The following MYH16 variants were observed in gnomAD, a reference collection of about 807,000 sequenced individuals.
The protein encoded by MYH16 is putative uncharacterized protein MYH16.
intron 2 of MYH16, chr7:99,243,434 G>C (rs2150804484): frequency 6.5e-6 from 1 of 152,926 alleles, no homozygotes; most frequent in Middle Eastern, 3.4e-3. Context: ...GAGTGCCAGG[G>C]ATGGGGTGAG....
At chr7:99,250,168 T>G (rs1791793371) in intron 5 of MYH16, 1 of 152,506 alleles carries the variant, frequency 6.6e-6, no homozygotes, top group African/African-American at 2.4e-5. Context: ...TGCTCACAGC[T>G]TAGGGCCATT....
intron 32 of MYH16, among the ~76,000 whole-genome samples, chr7:99,293,138 C>A (rs2150829552): frequency 6.6e-6 from 1 of 152,210 alleles, no homozygotes; most frequent in African/African-American, 2.4e-5. Flanking sequence ...GGATCCATGA[C>A]AAGTTAAATC....
Position 99,277,878 on chromosome 7 carries a change from C to CGTGTGT in MYH16, n.2659+200_2659+205dup, listed in dbSNP as rs61634087. 4.2e-3 allele frequency among the ~76,000 whole-genome samples: 513 copies of CGTGTGT among 121,680 alleles called. 2 individuals carry two copies. The highest frequency in any genetic ancestry group is 0.013 in the Middle Eastern group (3 of 238). 79.8% of individuals were successfully genotyped at this position (121,680 alleles called of 152,430 possible). A position where few individuals can be genotyped will look rare whatever the true frequency, so the allele number is the denominator to read the frequency against. ...ACTTCCAAAAAGTCTCCATCCAATT[C>CGTGTGT]GTGTGTGTGTGTGTGTGTGTGTGTG... On this transcript the variant is annotated intron_variant and non_coding_transcript_variant, in intron 21 of 41. Transcript: ENST00000439784.
At chr7:99,275,572 G>A (rs1173227791) in intron 20 of MYH16, among the ~76,000 whole-genome samples, 2 of 152,194 alleles carry the variant, frequency 1.3e-5, no homozygotes, top group African/African-American at 4.8e-5. Context: ...GGGTGTCTAT[G>A]CTTGAATGCA....
At chr7:99,270,480 C>A (rs896154960) in intron 18 of MYH16, among the ~76,000 whole-genome samples, 1 of 151,666 alleles carries the variant, frequency 6.6e-6, no homozygotes, top group East Asian at 2.0e-4. Flanking sequence ...CGCCACCACG[C>A]CCGGCTTTTT....
chr7:99,288,022 C>A, exon 29 of MYH16: 1 of 456,626 alleles, frequency 2.2e-6, no homozygotes, highest in Non-Finnish European at 4.4e-6. Flanking sequence ...GCCGAGCTGA[C>A]GGAGCATGTG....
intron 33 of MYH16, among the ~76,000 whole-genome samples, chr7:99,294,846 G>A (rs574609549): frequency 2.6e-5 from 4 of 152,152 alleles, no homozygotes; most frequent in East Asian, 3.9e-4. Context: ...GATTATAGGC[G>A]TGAGCCACTG....
chr7:99,271,502 T>C (rs1792045851), intron 19 of MYH16, among the ~76,000 whole-genome samples: 1 of 151,940 alleles, frequency 6.6e-6, no homozygotes, highest in African/African-American at 2.4e-5. Flanking sequence ...GAAGCAAAAC[T>C]CCGTCTCAAA....
At chr7:99,286,091 A>G (rs995854028) in intron 27 of MYH16, among the ~76,000 whole-genome samples, 1 of 152,208 alleles carries the variant, frequency 6.6e-6, no homozygotes, top group Non-Finnish European at 1.5e-5. Context: ...TTTACTGGAG[A>G]AAAAGGAGCT....
At position 99,296,690 on chromosome 7, in the gene MYH16, A is replaced by G. The variant is rs930470916; in HGVS notation, n.4283-11A>G. On this transcript the variant is annotated splice_polypyrimidine_tract_variant and intron_variant and non_coding_transcript_variant, in intron 33 of 41. Coordinates refer to ENST00000439784, the Ensembl canonical transcript of MYH16. ...GTTGGACCCCTAGAGGCCATTTCCA[A>G]CTTTCCCTAGGCCAATGCTGCAGCT... is the stretch of plus-strand genomic sequence containing the variant. The G allele has an allele frequency of 1.3e-5, 6 of 455,060 alleles. No individual in the cohort carries two copies. Among genetic ancestry groups the G allele is most frequent in the Non-Finnish European group, 2.2e-5 (5 of 226,878 alleles). 28.2% of individuals were successfully genotyped at this position (455,060 alleles called of 1,614,324 possible). A position where few individuals can be genotyped will look rare whatever the true frequency, so the allele number is the denominator to read the frequency against.
At chr7:99,272,845 C>T (rs1792066208) in intron 19 of MYH16, among the ~76,000 whole-genome samples, 3 of 152,088 alleles carry the variant, frequency 2.0e-5, no homozygotes, top group Admixed American at 2.0e-4. Flanking sequence ...CATCAGCAGG[C>T]CACCTGCAGC....
Position 99,261,520 on chromosome 7 carries a change from A to G in MYH16, n.1642A>G, listed in dbSNP as rs73709619. 5.5e-3 allele frequency: 854 copies of G among 154,698 alleles called. 6 individuals are homozygous for G. The highest frequency in any genetic ancestry group is 0.019 in the African/African-American group (795 of 41,610). The allele number at this position is 154,698 out of a possible 1,614,324, so 9.6% of individuals were successfully genotyped here. On this transcript the variant is annotated non_coding_transcript_exon_variant, in exon 13 of 42. Coordinates refer to ENST00000439784, the Ensembl canonical transcript of MYH16. Reference sequence around the variant, plus strand: ...CCCCAAAGCCACCGATGCCACGTTCAAGGCAGCCCTGTACGACAACCACCT... The same window carrying G: ...CCCCAAAGCCACCGATGCCACGTTCGAGGCAGCCCTGTACGACAACCACCT...
At chr7:99,273,245 T>A (rs1217048364) in intron 19 of MYH16, 97 bp from the exon 2 acceptor site, 1 of 439,616 alleles carries the variant, frequency 2.3e-6, no homozygotes, top group South Asian at 1.6e-5. Flanking sequence ...ACAAGGTAGA[T>A]CTGCTGGCTT....
intron 32 of MYH16, among the ~76,000 whole-genome samples, chr7:99,293,408 C>A (rs188281684): frequency 8.5e-5 from 13 of 152,292 alleles, no homozygotes; most frequent in Admixed American, 8.5e-4. Context: ...TGCCTTCCTG[C>A]AACTTCCACC....
At chr7:99,240,274 A>G (rs1447189710) in intron 1 of MYH16, among the ~76,000 whole-genome samples, 1 of 152,038 alleles carries the variant, frequency 6.6e-6, no homozygotes, top group East Asian at 1.9e-4. Context: ...ATTCAAACCC[A>G]CTGTATCTGG....
At chr7:99,239,436 C>T (rs566263704) in intron 1 of MYH16, among the ~76,000 whole-genome samples, 2 of 152,264 alleles carry the variant, frequency 1.3e-5, no homozygotes, top group South Asian at 4.1e-4. Context: ...GGCATGAGGG[C>T]CATGAGAGAG....
At chr7:99,286,134 A>G (rs1222341502) in intron 27 of MYH16, among the ~76,000 whole-genome samples, 1 of 152,142 alleles carries the variant, frequency 6.6e-6, no homozygotes, top group Non-Finnish European at 1.5e-5. Flanking sequence ...ATTAAATCTC[A>G]TCCCATGGCC....
chr7:99,279,099 G>A (rs1234673342), intron 21 of MYH16, among the ~76,000 whole-genome samples: 1 of 152,162 alleles, frequency 6.6e-6, no homozygotes, highest in Non-Finnish European at 1.5e-5. Context: ...GCTGAAGTGG[G>A]AGGATTGCTT....
chr7:99,265,987 C>T (rs1159994136), intron 17 of MYH16, among the ~76,000 whole-genome samples: 1 of 152,196 alleles, frequency 6.6e-6, no homozygotes, highest in East Asian at 1.9e-4. Context: ...GGAAGGAGCC[C>T]TCAATCAGTG....
Sources: allele counts gnomAD v4.1 joint callset (sites outside exome capture counted in the v4.1 genomes callset), GRCh38; gene constraint gnomAD v4.1.1; transcripts MANE v1.5; gene names NCBI Gene and HGNC (gene_info 2026-07-23, HGNC 2026-07-21).